Variants in AOPEP observed in about 807,000 individuals in gnomAD.
The protein encoded by AOPEP is aminopeptidase O (putative), also known as aminopeptidase O.
A neutral mutation model predicts 98.1 loss-of-function variants in AOPEP; 77 were observed. That is an observed-to-expected ratio of 0.78 (90% confidence interval 0.65 to 0.95). AOPEP has a LOEUF of 0.95. Among genes scored for constraint, AOPEP ranks in the 40% least tolerant of loss-of-function variants. AOPEP has a pLI of 0.00. For missense variants in AOPEP, 1,024 were observed against 1,024.7 expected (o/e 1.00, Z 0.01); for synonymous variants, 346 against 365.3 (o/e 0.95, Z 0.60).
chr9:95,135,262 C>T, the AOPEP span: 1 of 1,325,244 alleles, frequency 7.5e-7, no homozygotes, highest in South Asian at 1.2e-5. Context: ...TGTTTACATC[C>T]CCCCCTTTCA....
chr9:95,069,805 CTG>C (rs2068294176), intron 14 of AOPEP, among the ~76,000 whole-genome samples: 1 of 152,244 alleles, frequency 6.6e-6, no homozygotes, highest in East Asian at 1.9e-4. Context: ...CACATTGCTG[CTG>C]CTTTAGCTCT....
At chr9:94,777,192 C>T (rs1245200804) in intron 3 of AOPEP, among the ~76,000 whole-genome samples, 3 of 151,884 alleles carry the variant, frequency 2.0e-5, no homozygotes, top group African/African-American at 4.8e-5. Flanking sequence ...CCCAGCACTT[C>T]GGGAGGCCGA....
chr9:95,129,890 TC>T, the AOPEP span, among the ~76,000 whole-genome samples: 2 of 152,136 alleles, frequency 1.3e-5, no homozygotes, highest in Non-Finnish European at 2.9e-5. Context: ...TGGGTGTGCA[TC>T]CCCTTGGGCT....
At chr9:95,072,290 C>G (rs1358759083) in intron 14 of AOPEP, among the ~76,000 whole-genome samples, 1 of 152,182 alleles carries the variant, frequency 6.6e-6, no homozygotes, top group African/African-American at 2.4e-5. Flanking sequence ...ATATCTGGCT[C>G]TTGAAGGAAA....
At chr9:94,757,498 G>C (rs1435492800) in intron 1 of AOPEP, among the ~76,000 whole-genome samples, 1 of 152,226 alleles carries the variant, frequency 6.6e-6, no homozygotes, top group Non-Finnish European at 1.5e-5. Flanking sequence ...GGCTTGAGTG[G>C]ATAGGGCTCT....
chr9:94,834,679 G>T (rs2041334400), intron 5 of AOPEP, among the ~76,000 whole-genome samples: 1 of 152,120 alleles, frequency 6.6e-6, no homozygotes, highest in Admixed American at 6.5e-5. Flanking sequence ...TGTAGTCCCA[G>T]CTACTCGGGA....
chr9:95,037,519 C>T (rs1228498570), intron 13 of AOPEP, among the ~76,000 whole-genome samples: 1 of 152,206 alleles, frequency 6.6e-6, no homozygotes, highest in Non-Finnish European at 1.5e-5. Flanking sequence ...GGAAGTTTAA[C>T]TTGCATTTTT....
At chr9:94,946,778 G>A (rs1301536562) in intron 7 of AOPEP, among the ~76,000 whole-genome samples, 3 of 152,000 alleles carry the variant, frequency 2.0e-5, no homozygotes. Flanking sequence ...TTGGTCCTTG[G>A]TTGTTCTCTT....
chr9:95,100,197 G>A, the AOPEP span: 10 of 223,038 alleles, frequency 4.5e-5, no homozygotes, highest in Admixed American at 1.7e-4. Flanking sequence ...ATGATGGCAC[G>A]AAGCATGTTA....
Position 95,059,843 on chromosome 9 carries a change from A to G in AOPEP, c.2116-851A>G, listed in dbSNP as rs375276239. On this transcript the variant is annotated intron_variant, in intron 13 of 16. Coordinates refer to ENST00000375315, the MANE Select transcript of AOPEP (RefSeq NM_001193329.3). ...TTAGAGTAAATATTTTTCACTTCCT[A>G]CAAGGCATATCTCAAATTGATTCTT... Among the ~76,000 whole-genome samples, 51 of 152,344 alleles carry G rather than the reference A, an allele frequency of 3.3e-4. No homozygotes were observed. In the East Asian group the frequency reaches 6.2e-3, roughly 18 times the overall value.
At chr9:95,078,984 G>T (rs1033582218) in intron 14 of AOPEP, among the ~76,000 whole-genome samples, 2 of 152,198 alleles carry the variant, frequency 1.3e-5, no homozygotes, top group African/African-American at 4.8e-5. Flanking sequence ...ATTTCTGTTG[G>T]CTGTACAGGA....
At chr9:95,004,911 G>A (rs2061839868) in intron 11 of AOPEP, 1 of 146,010 alleles carries the variant, frequency 6.8e-6, no homozygotes. Context: ...CTTTAAGGCA[G>A]GCCCCGCCCC....
chr9:95,124,212 C>T, the AOPEP span, among the ~76,000 whole-genome samples: 1 of 151,562 alleles, frequency 6.6e-6, no homozygotes, highest in Non-Finnish European at 1.5e-5. Flanking sequence ...TTGTAGTTCT[C>T]CTCTCGGAAG....
In AOPEP at chr9:95,005,527, G is replaced by C; in HGVS notation, c.2041-15G>C. ...CTGTCGCCTTCTTTGAAATGCTGTG[G>C]TTTTTGAACCTCAGGTCACGAAATG... On this transcript the variant is annotated splice_polypyrimidine_tract_variant and intron_variant, in intron 12 of 16. Transcript: ENST00000375315. The C allele has an allele frequency of 3.1e-6, 5 of 1,613,046 alleles. No individual in the cohort carries two copies. Among genetic ancestry groups the C allele is most frequent in the Non-Finnish European group, 4.2e-6 (5 of 1,179,150 alleles).
intron 5 of AOPEP, among the ~76,000 whole-genome samples, chr9:94,908,257 C>T (rs2051463409): frequency 6.6e-6 from 1 of 152,096 alleles, no homozygotes; most frequent in Non-Finnish European, 1.5e-5. Context: ...CCGAAAGAAG[C>T]GATTTAGCCC....
chr9:95,100,413 A>G, the AOPEP span: 1 of 231,528 alleles, frequency 4.3e-6, no homozygotes, highest in African/African-American at 2.2e-5. Flanking sequence ...ATTTCCCTAA[A>G]GGTTAACTTC....
At chr9:95,119,556 G>A in the AOPEP span, among the ~76,000 whole-genome samples, 1 of 151,942 alleles carries the variant, frequency 6.6e-6, no homozygotes. Context: ...AGTAGAGACG[G>A]GGTTTCACTA....
At chr9:94,983,689 C>T (rs79514940) in intron 11 of AOPEP, among the ~76,000 whole-genome samples, 1,972 of 152,256 alleles carry the variant, frequency 0.013, 47 homozygotes, top group African/African-American at 0.045. Flanking sequence ...GAGATTCGCC[C>T]GCTCACGACT....
intron 13 of AOPEP, among the ~76,000 whole-genome samples, chr9:95,045,404 T>C (rs375054004): frequency 1.3e-5 from 2 of 152,312 alleles, no homozygotes; most frequent in African/African-American, 4.8e-5. Context: ...AGGCCCCAGG[T>C]CCAGCGCGAC....
Sources: allele counts gnomAD v4.1 joint callset (sites outside exome capture counted in the v4.1 genomes callset), GRCh38; gene constraint gnomAD v4.1.1; transcripts MANE v1.5; gene names NCBI Gene and HGNC (gene_info 2026-07-23, HGNC 2026-07-21).